The following TTC14 variants were observed in gnomAD, a reference collection of about 807,000 sequenced individuals.
The protein encoded by TTC14 is tetratricopeptide repeat protein 14.
Under a neutral mutation model 79.9 loss-of-function variants are expected in TTC14, and 63 were observed. The ratio of observed to expected loss-of-function variants is 0.79; its 90% CI spans 0.64 to 0.97. TTC14 has a LOEUF of 0.97. TTC14 is among the 50% of genes least tolerant of loss of function. The pLI is 0.00. For synonymous variants in TTC14, 335 were observed against 309.6 expected (o/e 1.08, Z -0.86); for missense variants, 895 against 894.0 (o/e 1.00, Z -0.01).
chr3:180,611,193 T>G (rs1716983015), downstream of TTC14: 1 of 984,144 alleles, frequency 1.0e-6, no homozygotes, highest in African/African-American at 1.7e-5. Context: ...AGGAGCCCAT[T>G]TTGCTTATTT....
In TTC14 at chr3:180,603,263, C is replaced by T; in HGVS notation, c.426C>T (p.Phe142=). The change falls in exon 3 of 12, where the codon TTC becomes TTT. Residue 142 remains phenylalanine (F), a synonymous_variant. Transcript: ENST00000296015. ...RISSIREFGF[F]MVLICLGSGI... is the part of the protein sequence containing the mutation. ...GTTCTATTCGGGAATTCGGTTTTTT[C>T]ATGGTGTTGATCTGTTTAGGAAGTG... 6.2e-7 allele frequency: 1 copy of T among 1,614,014 alleles called. No homozygotes were observed. The highest frequency in any genetic ancestry group is 1.7e-5 in the Admixed American group (1 of 60,014).
Position 180,609,610 on chromosome 3 carries a change from A to G in TTC14, c.1401-20A>G. On this transcript the variant is annotated intron_variant, in intron 11 of 11. Transcript: ENST00000296015. ...AGAAACATTTTTGTATATATATGAC[A>G]AATGAACTGTTTTTTTTAGGCTAAA... is the stretch of plus-strand genomic sequence containing the variant. 2 of 1,527,494 alleles carry G rather than the reference A, an allele frequency of 1.3e-6. No individual in the cohort carries two copies. The highest frequency in any genetic ancestry group is 1.4e-5 in the African/African-American group (1 of 71,944). 94.6% of individuals were successfully genotyped at this position (1,527,494 alleles called of 1,614,324 possible). A position where few individuals can be genotyped will look rare whatever the true frequency, so the allele number is the denominator to read the frequency against.
chr3:180,615,071 A>G, downstream of TTC14: 4 of 1,531,168 alleles, frequency 2.6e-6, no homozygotes, highest in South Asian at 1.3e-5. Flanking sequence ...TTGTACTCCT[A>G]GATGACCTAG....
At chr3:180,604,667 T>TA in intron 5 of TTC14, 60 bp downstream of exon 5, 14 of 1,526,886 alleles carry the variant, frequency 9.2e-6, no homozygotes, top group Non-Finnish European at 1.2e-5. Flanking sequence ...GATTGAGGAA[T>TA]ACCACATTTT....
At chr3:180,617,430 C>T (rs1717288701) in exon 13 of TTC14, 2 of 676,704 alleles carry the variant, frequency 3.0e-6, no homozygotes, top group Admixed American at 2.1e-5. Flanking sequence ...TCAGGCAGGT[C>T]CTTCAGGAGA....
Position 180,603,121 on chromosome 3 carries a change from T to A in TTC14, c.287-3T>A. 6.2e-7 allele frequency: 1 copy of A among 1,609,814 alleles called. No individual in the cohort carries two copies. The highest frequency in any genetic ancestry group is 1.3e-5 in the African/African-American group (1 of 74,592). On this transcript the variant is annotated splice_region_variant and splice_polypyrimidine_tract_variant and intron_variant, in intron 2 of 11. Coordinates refer to ENST00000296015, the MANE Select transcript of TTC14 (RefSeq NM_133462.4). ...AGTGATTTTGTTAATTTTTTTTTTT[T>A]AGATCATTATGCAATCATGCCACCT...
At chr3:180,611,131 T>C (rs1716980270), downstream of TTC14, 1 of 985,278 alleles carries the variant, frequency 1.0e-6, no homozygotes, top group Admixed American at 6.2e-5. Flanking sequence ...TGAACAGTCA[T>C]TGGCTTCCAC....
downstream of TTC14, among the ~76,000 whole-genome samples, chr3:180,612,228 C>G (rs1287470707): frequency 3.3e-5 from 5 of 152,270 alleles, no homozygotes; most frequent in South Asian, 1.0e-3. Flanking sequence ...ATCCCTAGTT[C>G]AGCTTAAAAT....
chr3:180,605,687 T>C, intron 6 of TTC14, 79 bp from the exon 7 acceptor site: 1 of 967,856 alleles, frequency 1.0e-6, no homozygotes, highest in Non-Finnish European at 1.5e-6. Context: ...CACTGTCGAG[T>C]GCCTGTCAAG....
Position 180,610,327 on chromosome 3 carries a change from G to A in TTC14, c.2098G>A (p.Glu700Lys), listed in dbSNP as rs2108398769. 6.2e-7 allele frequency: 1 copy of A among 1,613,054 alleles called. No individual in the cohort carries two copies. The highest frequency in any genetic ancestry group is 1.1e-5 in the South Asian group (1 of 90,846). Residue 700 changes from glutamate (E) to lysine (K), a missense_variant, in exon 12 of 12, where the codon GAG becomes AAG. Glu to Lys is a moderately conservative substitution (Grantham distance 56). Transcript: ENST00000296015. The stretch of plus-strand genomic sequence containing the variant: ...TGGATCACGTGATTTCAGTAGACAT[G>A]AGCAAAGATACCGTTTAAATACAAA... ...HSGSRDFSRH[E>K]QRYRLNTNQG...
chr3:180,608,795 TAAA>T lies in TTC14; in HGVS notation c.1387_1389del (p.Lys463del), dbSNP rs1560074755. The T allele has an allele frequency of 3.2e-6, 5 of 1,542,658 alleles. No homozygotes were observed. Among genetic ancestry groups the T allele is most frequent in the Admixed American group, 4.5e-5 (2 of 44,220 alleles). On this transcript the variant is annotated inframe_deletion, in exon 11 of 12. Coordinates refer to ENST00000296015, the MANE Select transcript of TTC14 (RefSeq NM_133462.4). ...AGTGCAGAAAAGTTGCGTAAGCTCT[TAAA>T]AGAAGAGAAGAGGTAAACTATAATA...
downstream of TTC14, among the ~76,000 whole-genome samples, chr3:180,612,197 CAT>C (rs1717018986): frequency 6.6e-6 from 1 of 152,202 alleles, no homozygotes. Flanking sequence ...TCTTGGCATA[CAT>C]AGCCTTTGAC....
rs1275920643 is a variant in TTC14, at chr3:180,606,374, T to C, written c.1049+2T>C. ...AGCTTTGGTAGCTCGTGGAGCATTG[T>C]AAGTGAATCATACATGGATTTTAAG... On this transcript the variant is annotated splice_donor_variant, in intron 8 of 11. Coordinates refer to ENST00000296015, the MANE Select transcript of TTC14 (RefSeq NM_133462.4). LOFTEE classifies it high-confidence loss of function. 9.3e-6 allele frequency: 15 copies of C among 1,613,994 alleles called. No individual in the cohort carries two copies. Among genetic ancestry groups the C allele is most frequent in the Non-Finnish European group, 1.3e-5 (15 of 1,179,942 alleles).
At chr3:180,606,110 G>A (rs905224333) in intron 7 of TTC14, 143 bp from the exon 8 acceptor site, 94 of 1,139,920 alleles carry the variant, frequency 8.2e-5, no homozygotes, top group South Asian at 1.6e-4. Flanking sequence ...GCAGAAGAAC[G>A]TTCCTTAGGT....
Position 180,609,963 on chromosome 3 carries a change from T to C in TTC14, c.1734T>C (p.Pro578=). 6.2e-7 allele frequency: 1 copy of C among 1,614,060 alleles called. No homozygotes were observed. Among genetic ancestry groups the C allele is most frequent in the Non-Finnish European group, 8.5e-7 (1 of 1,179,952 alleles). Residue 578 remains proline (P), a synonymous_variant, in exon 12 of 12, where the codon CCT becomes CCC. Transcript: ENST00000296015. ...KTQIKEKDRC[P]LSSSSLEIPD... ...AGATAAAAGAGAAAGATAGATGCCC[T>C]CTCTCTTCATCTTCACTTGAAATAC...
intron 6 of TTC14, 138 bp downstream of exon 6, chr3:180,605,145 G>C: frequency 1.4e-6 from 1 of 729,362 alleles, no homozygotes; most frequent in Middle Eastern, 2.9e-4. Flanking sequence ...TGAACCAGGT[G>C]ATCCCATCTT....
chr3:180,604,685 G>A, intron 5 of TTC14, 78 bp downstream of exon 5: 1 of 1,491,170 alleles, frequency 6.7e-7, no homozygotes, highest in South Asian at 1.3e-5. Context: ...TTTTATAACG[G>A]TTAAATTACT....
In TTC14 at chr3:180,602,338, A is replaced by G. The variant is rs1040827608; in HGVS notation, c.77A>G (p.Gln26Arg). 7 of 1,613,468 alleles carry G rather than the reference A, an allele frequency of 4.3e-6. No individual in the cohort carries two copies. The Admixed American group carries it at 6.7e-5, about 15-fold the overall frequency. Residue 26 changes from glutamine (Q) to arginine (R), a missense_variant, in exon 1 of 12, where the codon CAG becomes CGG. Gln to Arg is a conservative substitution (Grantham distance 43). Coordinates refer to ENST00000296015, the MANE Select transcript of TTC14 (RefSeq NM_133462.4). ...CTCTCTCTACTTCGGAGCGAACAGC[A>G]GGACAATCCACACTTCCGTAGCCTC... ...SLLSLLRSEQ[Q>R]DNPHFRSLLG...
downstream of TTC14, among the ~76,000 whole-genome samples, chr3:180,615,412 T>A (rs1020421328): frequency 2.6e-5 from 4 of 152,142 alleles, no homozygotes; most frequent in Non-Finnish European, 5.9e-5. Flanking sequence ...CCAAGAGGAT[T>A]TGGTGCTGGC....
Sources: allele counts gnomAD v4.1 joint callset (sites outside exome capture counted in the v4.1 genomes callset), GRCh38; gene constraint gnomAD v4.1.1; transcripts MANE v1.5; gene names NCBI Gene and HGNC (gene_info 2026-07-23, HGNC 2026-07-21).